Variants in MPZL1 observed in about 807,000 individuals in gnomAD.
The protein encoded by MPZL1 is myelin protein zero-like protein 1.
MPZL1 carries 16 observed loss-of-function variants against 29.3 expected under a neutral mutation model. The observed-to-expected ratio is 0.55, with a 90% CI of 0.37 to 0.83. MPZL1 has a LOEUF of 0.83. Among genes scored for constraint, MPZL1 ranks in the 40% least tolerant of loss-of-function variants. MPZL1 has a pLI of 0.00. For missense variants in MPZL1, 279 were observed against 332.9 expected, an observed-to-expected ratio of 0.84 and a Z score of 1.26; for synonymous variants, 143 against 132.0, an observed-to-expected ratio of 1.08 and a Z score of -0.57.
At chr1:167,744,805 T>G (rs540842201) in intron 1 of MPZL1, among the ~76,000 whole-genome samples, 1 of 152,106 alleles carries the variant, frequency 6.6e-6, no homozygotes, top group Non-Finnish European at 1.5e-5. Flanking sequence ...TTTCCACTTG[T>G]TTCGTTAAAT....
At chr1:167,736,678 A>T (rs1188894931) in intron 1 of MPZL1, among the ~76,000 whole-genome samples, 2 of 151,068 alleles carry the variant, frequency 1.3e-5, no homozygotes, top group African/African-American at 2.4e-5. Context: ...TTCTGAACCC[A>T]CTCCCTCCTT....
intron 1 of MPZL1, among the ~76,000 whole-genome samples, chr1:167,739,292 T>TACATATATATATACATATATATATAC (rs1571140404): frequency 9.1e-6 from 1 of 109,788 alleles, no homozygotes; most frequent in South Asian, 2.4e-4. Context: ...CATATATATA[T>TACATATATATATACATATATATATAC]ATATATATAT....
chr1:167,744,377 A>G (rs1219735126), intron 1 of MPZL1, among the ~76,000 whole-genome samples: 1 of 152,004 alleles, frequency 6.6e-6, no homozygotes, highest in Non-Finnish European at 1.5e-5. Flanking sequence ...TCCAGAGTCT[A>G]AGTGTTCTTT....
intron 1 of MPZL1, among the ~76,000 whole-genome samples, chr1:167,743,211 T>C (rs1484508977): frequency 6.6e-6 from 1 of 151,888 alleles, no homozygotes; most frequent in African/African-American, 2.4e-5. Context: ...ATCATCATTT[T>C]CACTTTTTTT....
intron 1 of MPZL1, among the ~76,000 whole-genome samples, chr1:167,763,054 T>C (rs532724300): frequency 2.0e-5 from 3 of 152,368 alleles, no homozygotes; most frequent in Non-Finnish European, 4.4e-5. Flanking sequence ...TAATGAAATC[T>C]GTGTCTTAAA....
In MPZL1 at chr1:167,722,033, G is replaced by C; in HGVS notation, c.-119G>C. 1 of 1,204,938 alleles carries C rather than the reference G, an allele frequency of 8.3e-7. No homozygotes were observed. The highest frequency in any genetic ancestry group is 1.0e-6 in the Non-Finnish European group (1 of 964,078). The allele number at this position is 1,204,938 out of a possible 1,614,324, so 74.6% of individuals were successfully genotyped here. On this transcript the variant is annotated 5_prime_UTR_variant, in exon 1 of 6. Transcript: ENST00000359523. The stretch of plus-strand genomic sequence containing the variant: ...CCGGAGTGGGGAGCGCGGCGTGGAG[G>C]TGCCACCCGGCGCGGGTGGCGGAGA...
chr1:167,726,251 C>CT (rs767642972), intron 1 of MPZL1, among the ~76,000 whole-genome samples: 8 of 152,202 alleles, frequency 5.3e-5, no homozygotes, highest in Non-Finnish European at 1.2e-4. Flanking sequence ...CACAGAGGCT[C>CT]TAAGTTTCAC....
intron 1 of MPZL1, among the ~76,000 whole-genome samples, chr1:167,747,480 C>T (rs1571146546): frequency 6.6e-6 from 1 of 152,212 alleles, no homozygotes; most frequent in African/African-American, 2.4e-5. Flanking sequence ...CTGCCTCAGC[C>T]TCCCGAAGTG....
chr1:167,726,256 T>C (rs1660144636), intron 1 of MPZL1, among the ~76,000 whole-genome samples: 1 of 152,228 alleles, frequency 6.6e-6, no homozygotes, highest in African/African-American at 2.4e-5. Context: ...AGGCTCTAAG[T>C]TTCACATCTT....
At position 167,784,471 on chromosome 1, in the gene MPZL1, T is replaced by C. The variant is rs559160019; in HGVS notation, c.709-3349T>C. On this transcript the variant is annotated intron_variant, in intron 5 of 5. Coordinates refer to ENST00000359523, the MANE Select transcript of MPZL1 (RefSeq NM_003953.6). ...CTTCTTTATTATACCCAAAAGTGAATGTCTTAACAATGGTAGGTTCATTTC... is the reference window on the plus strand; with the variant it reads ...CTTCTTTATTATACCCAAAAGTGAACGTCTTAACAATGGTAGGTTCATTTC... Among the ~76,000 whole-genome samples, 6 of 152,316 alleles carry C rather than the reference T, an allele frequency of 3.9e-5. No individual in the cohort carries two copies. In the East Asian group the frequency reaches 9.6e-4, roughly 24 times the overall value.
intron 5 of MPZL1, among the ~76,000 whole-genome samples, chr1:167,781,077 CT>C (rs2101797782): frequency 6.6e-6 from 1 of 152,070 alleles, no homozygotes; most frequent in African/African-American, 2.4e-5. Flanking sequence ...AATATTTATA[CT>C]TCTAATAATA....
chr1:167,780,042 CT>C (rs1661463094), intron 5 of MPZL1, among the ~76,000 whole-genome samples: 2 of 152,066 alleles, frequency 1.3e-5, no homozygotes, highest in Admixed American at 1.3e-4. Context: ...AATAGTAGAG[CT>C]TGAAAATAAG....
chr1:167,787,990 C>A lies in MPZL1; in HGVS notation c.*69C>A. 7.6e-7 allele frequency: 1 copy of A among 1,316,824 alleles called. No individual in the cohort carries two copies. Among genetic ancestry groups the A allele is most frequent in the South Asian group, 1.2e-5 (1 of 82,746 alleles). 81.6% of individuals were successfully genotyped at this position (1,316,824 alleles called of 1,614,324 possible). On this transcript the variant is annotated 3_prime_UTR_variant, in exon 6 of 6. Coordinates refer to ENST00000359523, the MANE Select transcript of MPZL1 (RefSeq NM_003953.6). The stretch of plus-strand genomic sequence containing the variant: ...TGGACTCTCGTGCAGAAAATGTAGC[C>A]CATTACCACATGTAGCCTTGGAGAC...
At chr1:167,748,368 T>TA (rs1430365888) in intron 1 of MPZL1, among the ~76,000 whole-genome samples, 1 of 152,212 alleles carries the variant, frequency 6.6e-6, no homozygotes, top group Non-Finnish European at 1.5e-5. Context: ...ATTGTGGTTC[T>TA]AATATGCCTT....
At chr1:167,786,376 G>A (rs1460099394) in intron 5 of MPZL1, among the ~76,000 whole-genome samples, 3 of 152,116 alleles carry the variant, frequency 2.0e-5, no homozygotes, top group Non-Finnish European at 2.9e-5. Flanking sequence ...CTAAGTTATA[G>A]GTATCATCTT....
intron 1 of MPZL1, among the ~76,000 whole-genome samples, chr1:167,725,313 T>C (rs1660118424): frequency 6.6e-6 from 1 of 152,132 alleles, no homozygotes; most frequent in African/African-American, 2.4e-5. Flanking sequence ...GGAGTCTTGC[T>C]CTGTCTCGCC....
chr1:167,723,076 A>G (rs1044838879), intron 1 of MPZL1, among the ~76,000 whole-genome samples: 3 of 152,268 alleles, frequency 2.0e-5, no homozygotes, highest in African/African-American at 7.2e-5. Context: ...TTTTATGGAC[A>G]TCTGAAGTGG....
chr1:167,737,896 G>A (rs890673601), intron 1 of MPZL1, among the ~76,000 whole-genome samples: 3 of 151,724 alleles, frequency 2.0e-5, no homozygotes, highest in Non-Finnish European at 4.4e-5. Context: ...CATCCATTGA[G>A]TACTGAGATT....
chr1:167,781,025 A>G (rs1661485721), intron 5 of MPZL1, among the ~76,000 whole-genome samples: 1 of 152,194 alleles, frequency 6.6e-6, no homozygotes, highest in African/African-American at 2.4e-5. Flanking sequence ...CAGACTTTTT[A>G]TGATGACAAA....
Sources: gnomAD v4.1 joint callset for allele counts (sites outside exome capture counted in the v4.1 genomes callset) on GRCh38, gnomAD v4.1.1 for gene constraint, MANE v1.5 for transcripts, NCBI Gene and HGNC (gene_info 2026-07-23, HGNC 2026-07-21) for gene names.